Variants in TMEM9 observed in about 807,000 individuals in gnomAD.
TMEM9 encodes the protein transmembrane protein 9.
TMEM9 carries 13 observed loss-of-function variants against 22.8 expected under a neutral mutation model. That is an observed-to-expected ratio of 0.57 (90% CI 0.37 to 0.91). The LOEUF is 0.91. Ranked by LOEUF, TMEM9 falls within the 40% of genes least tolerant of loss-of-function variation. The pLI is 0.01. For synonymous variants in TMEM9, 88 were observed against 93.0 expected, an observed-to-expected ratio of 0.95 and a Z score of 0.31; for missense variants, 182 against 238.1, an observed-to-expected ratio of 0.76 and a Z score of 1.55.
At chr1:201,169,611 G>T (rs985696407) in intron 1 of TMEM9, among the ~76,000 whole-genome samples, 1 of 152,212 alleles carries the variant, frequency 6.6e-6, no homozygotes, top group Non-Finnish European at 1.5e-5. Flanking sequence ...GGTGATAGCA[G>T]TCTTTGGCTC....
rs1225297855 is a variant in TMEM9 at position 201,153,863 on chromosome 1, T to A, written c.61A>T (p.Asn21Tyr). The change falls in exon 1 of 5, where the codon AAC (asparagine) becomes TAC (tyrosine). Residue 21 changes from asparagine (N) to tyrosine (Y), a missense_variant. Physicochemically the swap from Asn to Tyr is moderately radical, Grantham distance 143. Transcript: ENST00000367330. ...TGCAGGCTCACCTCCCTCACCTTGT[T>A]GGCTTCAGCTGGGGGCACCAGCAAA... is the stretch of plus-strand genomic sequence containing the variant. ...GCLLVPPAEANKSSEDIRCKC... is the reference protein window; with the variant it reads ...GCLLVPPAEAYKSSEDIRCKC... The A allele has an allele frequency of 1.2e-6, 2 of 1,614,070 alleles. No homozygotes were observed. Among genetic ancestry groups the A allele is most frequent in the African/African-American group, 2.7e-5 (2 of 74,934 alleles).
chr1:201,135,309 TAAC>T lies in TMEM9; in HGVS notation c.*351_*353del, dbSNP rs1663883374. The T allele has an allele frequency of 5.6e-6, 1 of 177,394 alleles. No individual in the cohort carries two copies. The highest frequency in any genetic ancestry group is 2.4e-5 in the African/African-American group (1 of 42,486). The allele number at this position is 177,394 out of a possible 1,614,324, so 11.0% of individuals were successfully genotyped here. Reference sequence around the variant, plus strand: ...AAGACCCAGCTTTATCTTCCAAGGGTAACAACATTCCCAAGACTCAGAGCTGGA... The same window carrying T: ...AAGACCCAGCTTTATCTTCCAAGGGTAACATTCCCAAGACTCAGAGCTGGA... On this transcript the variant is annotated 3_prime_UTR_variant, in exon 5 of 5. Coordinates refer to ENST00000367330, the MANE Select transcript of TMEM9 (RefSeq NM_001288565.2).
chr1:201,165,291 A>G (rs1666047276), intron 1 of TMEM9, among the ~76,000 whole-genome samples: 1 of 151,214 alleles, frequency 6.6e-6, no homozygotes, highest in Non-Finnish European at 1.5e-5. Flanking sequence ...TATATTAGTA[A>G]CTTAGAGATA....
chr1:201,144,293 T>C lies in TMEM9; in HGVS notation c.268-342A>G, dbSNP rs145350693. The C allele has an allele frequency of 1.9e-3, 417 of 219,062 alleles. 3 individuals are homozygous for C. The highest frequency in any genetic ancestry group is 7.5e-3 in the East Asian group (69 of 9,252). The allele number at this position is 219,062 out of a possible 1,614,324, so 13.6% of individuals were successfully genotyped here. On this transcript the variant is annotated intron_variant, in intron 3 of 4. Transcript: ENST00000367330. Reference sequence around the variant, plus strand: ...GCCTCCCTGGCTGTAGAAGAGTTCATGATGAAGGGTGGAAAGCAATCAGAA... The same window carrying C: ...GCCTCCCTGGCTGTAGAAGAGTTCACGATGAAGGGTGGAAAGCAATCAGAA...
chr1:201,168,104 T>C (rs1334039250), intron 1 of TMEM9, among the ~76,000 whole-genome samples: 1 of 152,260 alleles, frequency 6.6e-6, no homozygotes, highest in East Asian at 1.9e-4. Flanking sequence ...GTTCATTCAT[T>C]TGCATTGCTA....
intron 4 of TMEM9, among the ~76,000 whole-genome samples, chr1:201,140,198 G>T (rs1266460048): frequency 1.3e-5 from 2 of 152,150 alleles, no homozygotes; most frequent in Admixed American, 6.5e-5. Context: ...CCCAAAGGGG[G>T]CCCAGAACTC....
chr1:201,155,610 G>A (rs1330278275), upstream of TMEM9, among the ~76,000 whole-genome samples: 1 of 152,174 alleles, frequency 6.6e-6, no homozygotes, highest in East Asian at 1.9e-4. Context: ...AGTTGGCAGG[G>A]GGCAGGGGCA....
At chr1:201,144,266 G>C (rs928228561) in intron 3 of TMEM9, 2 of 277,128 alleles carry the variant, frequency 7.2e-6, no homozygotes, top group South Asian at 1.0e-4. Context: ...GGGAACACAA[G>C]GGCCTCCCTG....
At chr1:201,161,586 G>A (rs1254127417) in intron 1 of TMEM9, among the ~76,000 whole-genome samples, 5 of 152,168 alleles carry the variant, frequency 3.3e-5, no homozygotes, top group Non-Finnish European at 7.3e-5. Context: ...AATTAGTTCG[G>A]GGAACCTTAA....
upstream of TMEM9, among the ~76,000 whole-genome samples, chr1:201,157,884 T>A (rs1056281414): frequency 4.6e-5 from 7 of 152,134 alleles, no homozygotes; most frequent in Admixed American, 6.5e-5. Flanking sequence ...CAGAACAATG[T>A]CGCACCCCCA....
rs956540117 is a variant in TMEM9, at chr1:201,150,999, G to A, written c.158+762C>T. Reference sequence around the variant, plus strand: ...TGCTCCCTCAACTCATGCTTAAGTCGGTTTCCCTGAAGCTTTTATCCTTGG... The same window carrying A: ...TGCTCCCTCAACTCATGCTTAAGTCAGTTTCCCTGAAGCTTTTATCCTTGG... On this transcript the variant is annotated intron_variant, in intron 2 of 4. Coordinates refer to ENST00000367330, the MANE Select transcript of TMEM9 (RefSeq NM_001288565.2). Among the ~76,000 whole-genome samples the A allele has an allele frequency of 9.2e-5, 14 of 152,098 alleles. No homozygotes were observed. The South Asian group carries it at 2.1e-3, about 23-fold the overall frequency.
intron 2 of TMEM9, among the ~76,000 whole-genome samples, chr1:201,148,446 C>T (rs570573360): frequency 5.7e-4 from 87 of 152,338 alleles, no homozygotes; most frequent in African/African-American, 2.0e-3. Flanking sequence ...ATCCAAACCC[C>T]TTGGAGGTGT....
intron 1 of TMEM9, among the ~76,000 whole-genome samples, chr1:201,164,594 T>G (rs536850127): frequency 6.3e-4 from 96 of 152,306 alleles, no homozygotes; most frequent in African/African-American, 2.2e-3. Flanking sequence ...TAGTAATGCA[T>G]TAGCACACAT....
At chr1:201,140,246 T>G (rs897747343) in intron 4 of TMEM9, among the ~76,000 whole-genome samples, 2 of 152,196 alleles carry the variant, frequency 1.3e-5, no homozygotes, top group African/African-American at 4.8e-5. Context: ...TTTGAAGACC[T>G]CTCCAGAGCT....
chr1:201,144,803 T>C (rs1485427673), intron 3 of TMEM9: 1 of 152,138 alleles, frequency 6.6e-6, no homozygotes, highest in South Asian at 2.1e-4. Flanking sequence ...AATCATCTGA[T>C]TGAGAACTGC....
At chr1:201,156,391 A>T, upstream of TMEM9, among the ~76,000 whole-genome samples, 1 of 151,970 alleles carries the variant, frequency 6.6e-6, no homozygotes, top group East Asian at 1.9e-4. Context: ...GTCTTCCTCC[A>T]ATTCTGTTTT....
intron 2 of TMEM9, among the ~76,000 whole-genome samples, chr1:201,147,245 G>A (rs1302321786): frequency 6.6e-6 from 1 of 152,104 alleles, no homozygotes; most frequent in East Asian, 1.9e-4. Context: ...TCTCCTCTAT[G>A]AGCTACAGGA....
chr1:201,142,627 T>C (rs142907316), intron 4 of TMEM9, among the ~76,000 whole-genome samples: 345 of 152,370 alleles, frequency 2.3e-3, no homozygotes, highest in African/African-American at 8.0e-3. Context: ...GCTGAGGCGC[T>C]TCCCGACTAG....
chr1:201,144,708 C>T (rs1165512945), intron 3 of TMEM9: 1 of 152,172 alleles, frequency 6.6e-6, no homozygotes, highest in Non-Finnish European at 1.5e-5. Flanking sequence ...CATCCATGGT[C>T]CCTGTAACAG....
Sources: allele counts gnomAD v4.1 joint callset (sites outside exome capture counted in the v4.1 genomes callset), GRCh38; gene constraint gnomAD v4.1.1; transcripts MANE v1.5; gene names NCBI Gene and HGNC (gene_info 2026-07-23, HGNC 2026-07-21).